TFAP2D: variants seen among roughly 807,000 people sequenced by gnomAD.
TFAP2D encodes transcription factor AP-2-delta.
Under a neutral mutation model 43.6 loss-of-function variants are expected in TFAP2D, and 9 were observed. The observed-to-expected ratio is 0.21, with a 90% CI of 0.12 to 0.36. The LOEUF is 0.36. Among genes scored for constraint, TFAP2D ranks in the 10% least tolerant of loss-of-function variants. The pLI, the probability that TFAP2D is intolerant of heterozygous loss-of-function variation, is 1.00. For missense variants in TFAP2D, 513 were observed against 561.4 expected (o/e 0.91, Z 0.87); for synonymous variants, 256 against 224.9 (o/e 1.14, Z -1.24).
intron 7 of TFAP2D, among the ~76,000 whole-genome samples, chr6:50,763,711 G>A (rs1769401232): frequency 6.6e-6 from 1 of 151,992 alleles, no homozygotes; most frequent in Admixed American, 6.6e-5. Flanking sequence ...CAACATAAAT[G>A]AATCTGAAAA....
chr6:50,749,546 G>T (rs1182114553), intron 6 of TFAP2D, among the ~76,000 whole-genome samples: 1 of 151,854 alleles, frequency 6.6e-6, no homozygotes, highest in Non-Finnish European at 1.5e-5. Flanking sequence ...ATGATAGCAT[G>T]AGGCTAAATT....
chr6:50,715,344 T>G lies in TFAP2D; in HGVS notation c.268T>G (p.Tyr90Asp). ...CCACCCGGCCGTCACCCCCGACGCC[T>G]ACTCTCTGAACTCTCTCCACCACTC... The part of the protein sequence containing the change: ...HSHPAVTPDA[Y>D]SLNSLHHSQQ... The change falls in exon 2 of 8, where the codon TAC (tyrosine) becomes GAC (aspartate). Residue 90 changes from tyrosine (Y) to aspartate (D), a missense_variant. Tyr to Asp is a radical substitution (Grantham distance 160). This residue lies in a region of TFAP2D where 311 missense variants were observed against 316.2 expected (regional missense o/e 0.98). Transcript: ENST00000008391. The G allele has an allele frequency of 6.2e-7, 1 of 1,614,036 alleles. No homozygotes were observed.
chr6:50,719,295 C>A, intron 3 of TFAP2D, 145 bp downstream of exon 3: 1 of 827,022 alleles, frequency 1.2e-6, no homozygotes, highest in Non-Finnish European at 1.9e-6. Context: ...CCAACACTGG[C>A]ATATCCACAT....
At chr6:50,717,708 A>T (rs1426030516) in intron 2 of TFAP2D, among the ~76,000 whole-genome samples, 1 of 152,210 alleles carries the variant, frequency 6.6e-6, no homozygotes, top group Non-Finnish European at 1.5e-5. Context: ...TATCTATTTA[A>T]TCTATGAATG....
chr6:50,723,287 G>A (rs944580107), intron 3 of TFAP2D, among the ~76,000 whole-genome samples: 5 of 152,236 alleles, frequency 3.3e-5, no homozygotes, highest in Admixed American at 6.5e-5. Flanking sequence ...CCGGCCTCAA[G>A]GCCGGCAGCA....
intron 5 of TFAP2D, among the ~76,000 whole-genome samples, chr6:50,743,135 A>G (rs74959457): frequency 0.018 from 2,692 of 152,236 alleles, 66 homozygotes; most frequent in African/African-American, 0.06. Context: ...AAATAGAAGA[A>G]AAAACAATGA....
At chr6:50,762,233 A>C (rs555015085) in intron 7 of TFAP2D, among the ~76,000 whole-genome samples, 1 of 152,068 alleles carries the variant, frequency 6.6e-6, no homozygotes, top group African/African-American at 2.4e-5. Context: ...TACAGTTTGA[A>C]TGGTTGCAAT....
intron 3 of TFAP2D, among the ~76,000 whole-genome samples, chr6:50,724,547 A>T (rs936650470): frequency 6.6e-6 from 1 of 151,980 alleles, no homozygotes; most frequent in Non-Finnish European, 1.5e-5. Flanking sequence ...AGCGCGCGGG[A>T]CCTCTCGCCA....
chr6:50,772,635 T>G lies in TFAP2D; in HGVS notation c.1140-10T>G. On this transcript the variant is annotated splice_polypyrimidine_tract_variant and intron_variant, in intron 7 of 7. Transcript: ENST00000008391. Reference sequence around the variant, plus strand: ...TTCACCTCTTTTTTCCTATCACTTCTCATTTCCAGTTTGATCACTCATGGC... The same window carrying G: ...TTCACCTCTTTTTTCCTATCACTTCGCATTTCCAGTTTGATCACTCATGGC... 1 of 1,612,776 alleles carries G rather than the reference T, an allele frequency of 6.2e-7. No homozygotes were observed. The highest frequency in any genetic ancestry group is 1.1e-5 in the South Asian group (1 of 91,006).
intron 7 of TFAP2D, among the ~76,000 whole-genome samples, chr6:50,767,418 T>C (rs1769459854): frequency 6.6e-6 from 1 of 152,218 alleles, no homozygotes; most frequent in Admixed American, 6.5e-5. Flanking sequence ...ATGCTACCAA[T>C]GTTATTCCCA....
chr6:50,732,775 C>G (rs1768912174), intron 5 of TFAP2D, among the ~76,000 whole-genome samples: 1 of 152,072 alleles, frequency 6.6e-6, no homozygotes, highest in Non-Finnish European at 1.5e-5. Context: ...TTGTTTTTCA[C>G]AAACAACACT....
At chr6:50,714,444 T>C (rs1365294618) in intron 1 of TFAP2D, among the ~76,000 whole-genome samples, 3 of 151,554 alleles carry the variant, frequency 2.0e-5, no homozygotes, top group Non-Finnish European at 4.4e-5. Context: ...GGGGAAGCAG[T>C]AGATGCACAA....
intron 5 of TFAP2D, among the ~76,000 whole-genome samples, chr6:50,733,870 C>T (rs1253318994): frequency 1.3e-5 from 2 of 151,956 alleles, no homozygotes; most frequent in African/African-American, 4.8e-5. Flanking sequence ...ACCTTCTCAG[C>T]CAACACTCAG....
intron 7 of TFAP2D, among the ~76,000 whole-genome samples, chr6:50,770,340 T>C (rs947584804): frequency 4.6e-5 from 7 of 152,226 alleles, no homozygotes; most frequent in Admixed American, 3.3e-4. Flanking sequence ...GATGATGTCT[T>C]ACACCACAAA....
chr6:50,759,881 G>A (rs1048769009), intron 7 of TFAP2D, among the ~76,000 whole-genome samples: 2 of 152,088 alleles, frequency 1.3e-5, no homozygotes, highest in African/African-American at 2.4e-5. Context: ...TGTGACTTTA[G>A]GGCAGTGGAT....
chr6:50,728,149 A>G (rs951124574), intron 3 of TFAP2D, among the ~76,000 whole-genome samples: 2 of 152,204 alleles, frequency 1.3e-5, no homozygotes, highest in Admixed American at 6.5e-5. Context: ...GACATTTACA[A>G]TTTACATTTA....
At chr6:50,721,253 A>G (rs1375326291) in intron 3 of TFAP2D, among the ~76,000 whole-genome samples, 1 of 152,204 alleles carries the variant, frequency 6.6e-6, no homozygotes, top group East Asian at 1.9e-4. Context: ...GAAGCTCCAG[A>G]GAGAAAGGGA....
chr6:50,770,357 T>G (rs554415551), intron 7 of TFAP2D, among the ~76,000 whole-genome samples: 3 of 152,342 alleles, frequency 2.0e-5, no homozygotes, highest in Admixed American at 6.5e-5. Context: ...CAAACTTTGG[T>G]GCAGATAATT....
intron 5 of TFAP2D, among the ~76,000 whole-genome samples, chr6:50,741,674 G>C (rs912126250): frequency 6.6e-6 from 1 of 150,590 alleles, no homozygotes; most frequent in African/African-American, 2.5e-5. Flanking sequence ...TTCAACTTTA[G>C]TGTGTTGCTT....
Sources: gnomAD v4.1 joint callset for allele counts (sites outside exome capture counted in the v4.1 genomes callset) on GRCh38, gnomAD v4.1.1 for gene constraint, gnomAD v4.1.1 regional missense constraint, MANE v1.5 for transcripts, NCBI Gene and HGNC (gene_info 2026-07-23, HGNC 2026-07-21) for gene names.